The following EIF2AK3 variants were observed in gnomAD, a reference collection of about 807,000 sequenced individuals.
EIF2AK3 encodes the protein eukaryotic translation initiation factor 2-alpha kinase 3.
Under a neutral mutation model 113.5 loss-of-function variants are expected in EIF2AK3, and 50 were observed. The observed-to-expected ratio is 0.44, with a 90% CI of 0.35 to 0.56. The LOEUF (loss-of-function observed/expected upper bound fraction) is 0.56, where lower values mean the gene tolerates loss of function less well. EIF2AK3 is among the 20% of genes least tolerant of loss of function. The pLI, the probability that EIF2AK3 is intolerant of heterozygous loss-of-function variation, is 0.00. For synonymous variants in EIF2AK3, 448 were observed against 495.4 expected, an observed-to-expected ratio of 0.90 and a Z score of 1.27; for missense variants, 1,185 against 1,378.0, an observed-to-expected ratio of 0.86 and a Z score of 2.22.
intron 15 of EIF2AK3, 65 bp downstream of exon 15, chr2:88,562,224 C>G (rs1673984947): frequency 2.2e-6 from 3 of 1,357,458 alleles, no homozygotes; most frequent in Middle Eastern, 1.8e-4. Context: ...CTTTAAAAAA[C>G]TCTTTTGTAA....
intron 12 of EIF2AK3, 99 bp from the exon 13 acceptor site, chr2:88,575,545 C>G (rs1213434971): frequency 1.6e-6 from 2 of 1,265,758 alleles, no homozygotes; most frequent in South Asian, 1.2e-5. Context: ...TGTAATAAGG[C>G]CACTTACCAA....
chr2:88,607,226 A>G (rs2104460328), intron 2 of EIF2AK3, among the ~76,000 whole-genome samples: 1 of 152,360 alleles, frequency 6.6e-6, no homozygotes, highest in African/African-American at 2.4e-5. Context: ...GTGTTACAAA[A>G]CAAAATTTTA....
chr2:88,591,968 G>A (rs1674898125), intron 4 of EIF2AK3, among the ~76,000 whole-genome samples: 1 of 152,122 alleles, frequency 6.6e-6, no homozygotes. Flanking sequence ...ATAGTCCAAA[G>A]TAGAAAGAAT....
chr2:88,598,242 A>T (rs1331789496), intron 2 of EIF2AK3, among the ~76,000 whole-genome samples: 1 of 152,234 alleles, frequency 6.6e-6, no homozygotes, highest in African/African-American at 2.4e-5. Context: ...CCACCATCAC[A>T]GTAAAGACTG....
At chr2:88,611,037 C>G (rs538062346) in intron 2 of EIF2AK3, among the ~76,000 whole-genome samples, 1 of 152,142 alleles carries the variant, frequency 6.6e-6, no homozygotes, top group Admixed American at 6.5e-5. Context: ...ATAAAAAGCT[C>G]TTTAGAGCCC....
intron 14 of EIF2AK3, among the ~76,000 whole-genome samples, chr2:88,565,788 GATAGAA>G (rs1674100678): frequency 6.6e-6 from 1 of 152,080 alleles, no homozygotes; most frequent in African/African-American, 2.4e-5. Flanking sequence ...TTTTCCTATA[GATAGAA>G]ATATGTATTT....
At chr2:88,570,311 G>A (rs956789296) in intron 14 of EIF2AK3, among the ~76,000 whole-genome samples, 17 of 152,168 alleles carry the variant, frequency 1.1e-4, no homozygotes, top group Admixed American at 6.5e-5. Flanking sequence ...TCATTTGCCT[G>A]GTGGTGGCTG....
chr2:88,583,223 A>G (rs1218998769), intron 10 of EIF2AK3, among the ~76,000 whole-genome samples: 1 of 152,148 alleles, frequency 6.6e-6, no homozygotes, highest in Non-Finnish European at 1.5e-5. Context: ...GGTAGCTGAA[A>G]TTCTAAATTC....
chr2:88,571,332 A>C (rs186558011), intron 13 of EIF2AK3, among the ~76,000 whole-genome samples: 312 of 152,264 alleles, frequency 2.0e-3, no homozygotes, highest in African/African-American at 7.3e-3. Flanking sequence ...CCTCAATCTT[A>C]TTATTCTATA....
At chr2:88,604,977 T>C (rs1470780032) in intron 2 of EIF2AK3, among the ~76,000 whole-genome samples, 1 of 152,142 alleles carries the variant, frequency 6.6e-6, no homozygotes, top group Admixed American at 6.5e-5. Flanking sequence ...ATCAGATAAA[T>C]CTCTGAACCT....
rs1432389199 is a variant in EIF2AK3, at chr2:88,585,999, C to T, written c.1492G>A (p.Val498Ile). The change falls in exon 9 of 17, where the codon GTC (valine) becomes ATC (isoleucine). Residue 498 changes from valine (V) to isoleucine (I), a missense_variant. Coordinates refer to ENST00000303236, the MANE Select transcript of EIF2AK3 (RefSeq NM_004836.7). ...ERNKRSTQIT[V>I]RFLDNPHYNK... ...TAATGTGGGTTGTCGAGGAATCTGA[C>T]TGTAATCTGTGTGCTTCGTTTGTTC... 1.6e-5 allele frequency: 26 copies of T among 1,614,024 alleles called. No individual in the cohort carries two copies. The highest frequency in any genetic ancestry group is 2.0e-5 in the Non-Finnish European group (24 of 1,180,004).
chr2:88,573,257 A>G (rs1178229812), intron 13 of EIF2AK3, among the ~76,000 whole-genome samples: 1 of 152,188 alleles, frequency 6.6e-6, no homozygotes, highest in Non-Finnish European at 1.5e-5. Context: ...GTGCATAGAC[A>G]ATTACAGAAA....
rs756829920 is a variant in EIF2AK3, at chr2:88,576,673, T to C, written c.1917A>G (p.Glu639=). ...GTTCAAGCTTGGCTAAGGCTTTAAC[T>C]TCTCGCATTACCTTTTCCCGAGCCA... ...RELAREKVMR[E]VKALAKLEHP... Residue 639 remains glutamate, a synonymous_variant, in exon 12 of 17, where the codon GAA becomes GAG. Transcript: ENST00000303236. The C allele has an allele frequency of 4.3e-6, 7 of 1,614,156 alleles. No homozygotes were observed. The South Asian group carries it at 5.5e-5, about 13-fold the overall frequency.
Position 88,588,791 on chromosome 2 carries a change from A to T in EIF2AK3, c.1276T>A (p.Leu426Ile). The T allele has an allele frequency of 6.2e-7, 1 of 1,613,812 alleles. No homozygotes were observed. The highest frequency in any genetic ancestry group is 8.5e-7 in the Non-Finnish European group (1 of 1,179,842). Reference sequence around the variant, plus strand: ...AAGGGTTTCCATTTGATTGTTGGTAAAGGAATAATTGCGTTTTCATTAGTG... The same window carrying T: ...AAGGGTTTCCATTTGATTGTTGGTATAGGAATAATTGCGTTTTCATTAGTG... The part of the protein sequence containing the change: ...SVTNENAIIP[L>I]PTIKWKPLIH... Residue 426 changes from leucine to isoleucine, a missense_variant, in exon 7 of 17, where the codon TTA becomes ATA. Physicochemically the swap from Leu to Ile is conservative, Grantham distance 5. Coordinates refer to ENST00000303236, the MANE Select transcript of EIF2AK3 (RefSeq NM_004836.7).
At chr2:88,584,988 G>A (rs1674684257) in intron 9 of EIF2AK3, among the ~76,000 whole-genome samples, 1 of 152,088 alleles carries the variant, frequency 6.6e-6, no homozygotes. Flanking sequence ...CCTAACAATG[G>A]GGAGGAGGGT....
intron 1 of EIF2AK3, among the ~76,000 whole-genome samples, chr2:88,619,689 C>T (rs1234591817): frequency 6.6e-6 from 1 of 152,206 alleles, no homozygotes; most frequent in Non-Finnish European, 1.5e-5. Flanking sequence ...CACGGTGACT[C>T]ACCCCTGTAA....
At chr2:88,609,577 G>A (rs1415176206) in intron 2 of EIF2AK3, among the ~76,000 whole-genome samples, 1 of 152,164 alleles carries the variant, frequency 6.6e-6, no homozygotes, top group African/African-American at 2.4e-5. Context: ...GACTAATTAG[G>A]AAGTATGTAA....
Position 88,574,575 on chromosome 2 carries a change from T to G in EIF2AK3, c.2817+91A>C, listed in dbSNP as rs544503147. The G allele has an allele frequency of 2.4e-5, 36 of 1,489,044 alleles. No homozygotes were observed. In the African/African-American group the frequency reaches 4.6e-4, roughly 19 times the overall value. 92.2% of individuals were successfully genotyped at this position (1,489,044 alleles called of 1,614,324 possible). ...CTCAGATGCTTTTACTCTCCCCAAC[T>G]CTTAAGGATCCTTCAGAGTACTGCA... On this transcript the variant is annotated intron_variant, in intron 13 of 16. Coordinates refer to ENST00000303236, the MANE Select transcript of EIF2AK3 (RefSeq NM_004836.7).
rs369602164 is a variant in EIF2AK3, at chr2:88,574,949, C to G, written c.2534G>C (p.Ser845Thr). 5 of 1,614,042 alleles carry G rather than the reference C, an allele frequency of 3.1e-6. No homozygotes were observed. The African/African-American group carries it at 6.7e-5, about 22-fold the overall frequency. ...CAATGTAGCTTCAGAAGAAGATTTG[C>G]TACTGGTGGGCTTGAAAGCAGTTAG... ...NKLTAFKPTS[S>T]KSSSEATLSI... Residue 845 changes from serine (S) to threonine (T), a missense_variant, in exon 13 of 17, where the codon AGC becomes ACC. Ser to Thr is a moderately conservative substitution (Grantham distance 58, BLOSUM62 1). Transcript: ENST00000303236.
Sources: gnomAD v4.1 joint callset for allele counts (sites outside exome capture counted in the v4.1 genomes callset) on GRCh38, gnomAD v4.1.1 for gene constraint, MANE v1.5 for transcripts, NCBI Gene and HGNC (gene_info 2026-07-23, HGNC 2026-07-21) for gene names.